Variants in MACO1 observed in about 807,000 individuals in gnomAD.
MACO1 encodes the protein macoilin.
A neutral mutation model predicts 78.7 loss-of-function variants in MACO1; 14 were observed. The ratio of observed to expected loss-of-function variants is 0.18; its 90% CI spans 0.12 to 0.28. The LOEUF (loss-of-function observed/expected upper bound fraction) is 0.28, where lower values mean the gene tolerates loss of function less well. Ranked by LOEUF, MACO1 falls within the 10% of genes least tolerant of loss-of-function variation. The pLI, the probability that MACO1 is intolerant of heterozygous loss-of-function variation, is 1.00. For missense variants in MACO1, 501 were observed against 799.0 expected (o/e 0.63, Z 4.50); for synonymous variants, 288 against 291.6 (o/e 0.99, Z 0.12).
At chr1:25,468,350 C>T (rs1272275055) in intron 6 of MACO1, among the ~76,000 whole-genome samples, 1 of 152,090 alleles carries the variant, frequency 6.6e-6, no homozygotes, top group African/African-American at 2.4e-5. Flanking sequence ...AGCTTGGCAG[C>T]AGCAGATTTA....
At position 25,485,738 on chromosome 1, in the gene MACO1, G is replaced by A. The variant is rs2043423825; in HGVS notation, c.1439G>A (p.Arg480Lys). 1 of 1,614,048 alleles carries A rather than the reference G, an allele frequency of 6.2e-7. No homozygotes were observed. The highest frequency in any genetic ancestry group is 1.7e-5 in the Admixed American group (1 of 59,996). Residue 480 changes from arginine to lysine, a missense_variant, in exon 8 of 11, where the codon AGG (arginine) becomes AAG (lysine). By Grantham distance (26) the Arg-to-Lys change is conservative. Around this residue, in one of 5 missense-constraint regions of MACO1, gnomAD observed 163 missense variants for 271.9 expected, o/e 0.60. Transcript: ENST00000374343. The surrounding 1 kb of genome is among the most constrained non-coding windows in gnomAD (Gnocchi z 4.3). ...VEKQLMEEKK[R>K]KKLEEATAAR... ...AAACAGTTAATGGAAGAGAAAAAGA[G>A]GAAGAAGTTAGAAGAAGCCACTGCT...
At chr1:25,458,176 A>G (rs1194001874) in intron 5 of MACO1, among the ~76,000 whole-genome samples, 1 of 152,196 alleles carries the variant, frequency 6.6e-6, no homozygotes, top group Non-Finnish European at 1.5e-5. Flanking sequence ...TTCTAAATGT[A>G]GAGTTTCTCA....
At chr1:25,454,195 A>G (rs2043094248) in intron 3 of MACO1, 64 bp from the exon 4 acceptor site, 3 of 1,418,176 alleles carry the variant, frequency 2.1e-6, no homozygotes, top group Non-Finnish European at 1.9e-6. Flanking sequence ...TAGTCTCCCA[A>G]ACAATCCATC....
chr1:25,480,775 A>G (rs916118527), intron 6 of MACO1, among the ~76,000 whole-genome samples: 2 of 151,788 alleles, frequency 1.3e-5, no homozygotes, highest in Admixed American at 1.3e-4. Flanking sequence ...TACTAAAAAT[A>G]TAAAAATTAG....
intron 4 of MACO1, among the ~76,000 whole-genome samples, chr1:25,455,854 G>A (rs956105060): frequency 6.6e-6 from 1 of 152,114 alleles, no homozygotes; most frequent in Non-Finnish European, 1.5e-5. Flanking sequence ...TTAGTCACCT[G>A]AATTTGACCC....
At chr1:25,483,722 G>T (rs1039452429) in intron 6 of MACO1, among the ~76,000 whole-genome samples, 3 of 152,174 alleles carry the variant, frequency 2.0e-5, no homozygotes, top group African/African-American at 7.2e-5. Flanking sequence ...GCATTAAGTG[G>T]TAGGTCATGT....
At chr1:25,493,345 C>T (rs1390143009) in intron 10 of MACO1, among the ~76,000 whole-genome samples, 1 of 151,550 alleles carries the variant, frequency 6.6e-6, no homozygotes, top group Non-Finnish European at 1.5e-5. Context: ...TTCAAGTGAT[C>T]CTCCCACCTC....
rs372433217 is a variant in MACO1 at position 25,492,571 on chromosome 1, C to T, written c.1792+987C>T. Among the ~76,000 whole-genome samples, 23 of 151,914 alleles carry T rather than the reference C, an allele frequency of 1.5e-4. No homozygotes were observed. In the South Asian group the frequency reaches 4.4e-3, roughly 29 times the overall value. On this transcript the variant is annotated intron_variant, in intron 10 of 10. Transcript: ENST00000374343. Reference sequence around the variant, plus strand: ...GTGGGGGTTGTAGCCTGTGTGATAACGGGGAGAGTTGTCAGAGCAGACAGG... The same window carrying T: ...GTGGGGGTTGTAGCCTGTGTGATAATGGGGAGAGTTGTCAGAGCAGACAGG...
At chr1:25,455,700 A>T (rs2124583925) in intron 4 of MACO1, among the ~76,000 whole-genome samples, 1 of 152,344 alleles carries the variant, frequency 6.6e-6, no homozygotes, top group Non-Finnish European at 1.5e-5. Flanking sequence ...ATACAAACCA[A>T]ATCTTGGCAC....
At chr1:25,442,005 ATG>A (rs1332995101) in intron 1 of MACO1, among the ~76,000 whole-genome samples, 1 of 152,264 alleles carries the variant, frequency 6.6e-6, no homozygotes, top group East Asian at 1.9e-4. Context: ...TGAGAAATTT[ATG>A]TTATATACCA....
chr1:25,432,126 A>G (rs942643385), intron 1 of MACO1, among the ~76,000 whole-genome samples: 2 of 152,226 alleles, frequency 1.3e-5, no homozygotes, highest in Non-Finnish European at 2.9e-5. Context: ...TGGAGAAGTA[A>G]TTAGTTTACA....
intron 6 of MACO1, among the ~76,000 whole-genome samples, chr1:25,478,040 G>C (rs745475903): frequency 2.2e-4 from 34 of 152,288 alleles, no homozygotes; most frequent in Admixed American, 5.2e-4. Context: ...GAGTTCAGGA[G>C]TTCAAGACCA....
chr1:25,440,852 T>C (rs2042965955), intron 1 of MACO1, among the ~76,000 whole-genome samples: 1 of 152,134 alleles, frequency 6.6e-6, no homozygotes, highest in African/African-American at 2.4e-5. Context: ...TGCATAGCTC[T>C]TTAGTGTCTG....
At chr1:25,467,031 GGT>G (rs1419469884) in intron 6 of MACO1, among the ~76,000 whole-genome samples, 1 of 152,164 alleles carries the variant, frequency 6.6e-6, no homozygotes, top group African/African-American at 2.4e-5. Context: ...GGCCAAGGCG[GGT>G]GGATCACTTG....
chr1:25,462,272 G>A (rs78157669), intron 6 of MACO1, among the ~76,000 whole-genome samples: 5,053 of 152,198 alleles, frequency 0.033, 264 homozygotes, highest in African/African-American at 0.11. Flanking sequence ...ATGCTTTAGC[G>A]ATAAAACTGA....
At chr1:25,463,995 A>G (rs2043193721) in intron 6 of MACO1, among the ~76,000 whole-genome samples, 1 of 151,232 alleles carries the variant, frequency 6.6e-6, no homozygotes, top group East Asian at 1.9e-4. Context: ...ACGAACCTCC[A>G]TTGACACATC....
intron 1 of MACO1, among the ~76,000 whole-genome samples, chr1:25,442,254 G>A (rs1368984515): frequency 6.6e-6 from 1 of 152,250 alleles, no homozygotes; most frequent in African/African-American, 2.4e-5. Context: ...TAGAGGTGAT[G>A]TCCAGTAGGG....
chr1:25,475,565 A>AAG (rs1557671427), intron 6 of MACO1, among the ~76,000 whole-genome samples: 4 of 148,140 alleles, frequency 2.7e-5, no homozygotes, highest in African/African-American at 5.0e-5. Flanking sequence ...AAAAAAAAAA[A>AAG]AAAAGGAAAA....
chr1:25,457,420 G>A (rs868260011), intron 5 of MACO1, among the ~76,000 whole-genome samples: 7 of 151,756 alleles, frequency 4.6e-5, no homozygotes, highest in African/African-American at 1.7e-4. Context: ...CCTGTTTTAC[G>A]TATTTTAAAA....
Sources: allele counts gnomAD v4.1 joint callset (sites outside exome capture counted in the v4.1 genomes callset), GRCh38; gene constraint gnomAD v4.1.1; regional missense constraint gnomAD v4.1.1; non-coding constraint Gnocchi (gnomAD v3.1); transcripts MANE v1.5; gene names NCBI Gene and HGNC (gene_info 2026-07-23, HGNC 2026-07-21).